IFT52: variants seen among roughly 807,000 people sequenced by gnomAD.
IFT52 encodes intraflagellar transport 52, also known as intraflagellar transport protein 52 homolog.
Under a neutral mutation model 54.4 loss-of-function variants are expected in IFT52, and 44 were observed. The observed-to-expected ratio is 0.81, with a 90% CI of 0.63 to 1.04. The LOEUF (loss-of-function observed/expected upper bound fraction) is 1.04, where lower values mean the gene tolerates loss of function less well. Ranked by LOEUF, IFT52 falls within the 50% of genes least tolerant of loss-of-function variation. IFT52 has a pLI of 0.00. For missense variants in IFT52, 452 were observed against 523.6 expected (o/e 0.86, Z 1.33); for synonymous variants, 181 against 185.3 (o/e 0.98, Z 0.19).
At position 43,642,501 on chromosome 20, in the gene IFT52, T is replaced by A. The variant is rs769104271; in HGVS notation, c.1143T>A (p.Phe381Leu). ...TNKCTEEDLE[F>L]YVRKCGDILG... ...TAGGTACTGAAGAAGACCTGGAATT[T>A]TATGTCAGGAAGTGTGGTGATATTC... The change falls in exon 13 of 14, where the codon TTT (phenylalanine) becomes TTA (leucine). Residue 381 changes from phenylalanine (F) to leucine (L), a missense_variant. Physicochemically the swap from Phe to Leu is conservative, Grantham distance 22. Coordinates refer to ENST00000373030, the MANE Select transcript of IFT52 (RefSeq NM_016004.5). 29 of 1,613,992 alleles carry A rather than the reference T, an allele frequency of 1.8e-5. No individual in the cohort carries two copies. Among genetic ancestry groups the A allele is most frequent in the Non-Finnish European group, 2.5e-5 (29 of 1,179,992 alleles).
At position 43,633,943 on chromosome 20, in the gene IFT52, C is replaced by T. The variant is rs529612409; in HGVS notation, c.924-1983C>T. Reference sequence around the variant, plus strand: ...CTTTGGGAAGCTGAAACAGGAGGACCTCTTGAGGCCAGGGGTTCGAGACCA... The same window carrying T: ...CTTTGGGAAGCTGAAACAGGAGGACTTCTTGAGGCCAGGGGTTCGAGACCA... On this transcript the variant is annotated intron_variant, in intron 10 of 13. Coordinates refer to ENST00000373030, the MANE Select transcript of IFT52 (RefSeq NM_016004.5). 4.0e-5 allele frequency among the ~76,000 whole-genome samples: 6 copies of T among 151,210 alleles called. No individual in the cohort carries two copies. In the East Asian group the frequency reaches 1.2e-3, roughly 30 times the overall value.
intron 6 of IFT52, among the ~76,000 whole-genome samples, chr20:43,612,854 C>T (rs1361303549): frequency 6.6e-6 from 1 of 152,188 alleles, no homozygotes; most frequent in South Asian, 2.1e-4. Context: ...TAACCTTACG[C>T]CCTGGTGTTG....
At chr20:43,595,827 C>A (rs951555437) in intron 2 of IFT52, among the ~76,000 whole-genome samples, 7 of 151,960 alleles carry the variant, frequency 4.6e-5, no homozygotes, top group African/African-American at 1.7e-4. Context: ...TGAATGCCTG[C>A]AGTGAGCCGA....
chr20:43,620,854 T>C lies in IFT52; in HGVS notation c.700-3T>C, dbSNP rs751404101. 1.4e-5 allele frequency: 23 copies of C among 1,608,166 alleles called. No individual in the cohort carries two copies. The Admixed American group carries it at 3.3e-4, about 23-fold the overall frequency. Reference sequence around the variant, plus strand: ...TAATTATATACTTTTTTTTTTAATTTAGGATGTTGTTTTCCAGTGGCTCAC... The same window carrying C: ...TAATTATATACTTTTTTTTTTAATTCAGGATGTTGTTTTCCAGTGGCTCAC... On this transcript the variant is annotated splice_polypyrimidine_tract_variant and splice_region_variant and intron_variant, in intron 8 of 13. Transcript: ENST00000373030.
At position 43,618,518 on chromosome 20, in the gene IFT52, G is replaced by T. The variant is rs553773276; in HGVS notation, c.613-422G>T. On this transcript the variant is annotated intron_variant, in intron 7 of 13. Coordinates refer to ENST00000373030, the MANE Select transcript of IFT52 (RefSeq NM_016004.5). ...GTTTTTTGAGATGGAGTCTCGCTCT[G>T]TTGCCCAGGCTGGAGTACAGTGGCG... is the stretch of plus-strand genomic sequence containing the variant. 1.2e-3 allele frequency among the ~76,000 whole-genome samples: 186 copies of T among 152,220 alleles called. 1 individual carries two copies. Among genetic ancestry groups the T allele is most frequent in the Admixed American group, 4.6e-3 (70 of 15,262 alleles).
chr20:43,646,467 G>A (rs1188212799), intron 13 of IFT52, among the ~76,000 whole-genome samples: 1 of 152,158 alleles, frequency 6.6e-6, no homozygotes, highest in Non-Finnish European at 1.5e-5. Flanking sequence ...GGTTCTTGCT[G>A]TGCCTCTCAG....
In IFT52 at chr20:43,642,464, C is replaced by T. The variant is rs1350099010; in HGVS notation, c.1121-15C>T. 4.3e-6 allele frequency: 7 copies of T among 1,612,610 alleles called. No individual in the cohort carries two copies. The highest frequency in any genetic ancestry group is 2.2e-5 in the South Asian group (2 of 90,948). ...AAGTTAAGAATTAATCTAACTACTA[C>T]TCCAACTGTCTTAGGTACTGAAGAA... is the stretch of plus-strand genomic sequence containing the variant. On this transcript the variant is annotated splice_polypyrimidine_tract_variant and intron_variant, in intron 12 of 13. Coordinates refer to ENST00000373030, the MANE Select transcript of IFT52 (RefSeq NM_016004.5).
At chr20:43,603,632 A>G in intron 3 of IFT52, 128 bp from the exon 4 acceptor site, 1 of 797,700 alleles carries the variant, frequency 1.3e-6, no homozygotes, top group Non-Finnish European at 2.0e-6. Flanking sequence ...TTTATCTTAT[A>G]TACATTTATA....
At chr20:43,633,812 C>T (rs1433021236) in intron 10 of IFT52, among the ~76,000 whole-genome samples, 1 of 151,818 alleles carries the variant, frequency 6.6e-6, no homozygotes, top group Admixed American at 6.6e-5. Flanking sequence ...TGATGAAGAC[C>T]CTCATTCCCA....
Position 43,628,990 on chromosome 20 carries a change from T to C in IFT52, c.923+4945T>C, listed in dbSNP as rs78646829. 5.6e-4 allele frequency among the ~76,000 whole-genome samples: 86 copies of C among 152,316 alleles called. No individual in the cohort carries two copies. The East Asian group carries it at 0.013, about 24-fold the overall frequency. On this transcript the variant is annotated intron_variant, in intron 10 of 13. Transcript: ENST00000373030. Reference sequence around the variant, plus strand: ...CAGTCCCACGGGAGGTTAGAGGTTTTGGATCTAACTACAAACCAGTAGAGT... The same window carrying C: ...CAGTCCCACGGGAGGTTAGAGGTTTCGGATCTAACTACAAACCAGTAGAGT...
At chr20:43,612,034 A>AAATAAT (rs547108573) in intron 6 of IFT52, among the ~76,000 whole-genome samples, 2 of 151,470 alleles carry the variant, frequency 1.3e-5, no homozygotes, top group Admixed American at 6.6e-5. Flanking sequence ...CCATCTCGAA[A>AAATAAT]AATAATAATA....
At chr20:43,627,170 A>G (rs2093138) in intron 10 of IFT52, among the ~76,000 whole-genome samples, 106,911 of 148,622 alleles carry the variant, frequency 0.72, 38,592 homozygotes, top group East Asian at 0.79. Flanking sequence ...CCATCTCAGA[A>G]AAAAAAAAAA....
At position 43,637,409 on chromosome 20, in the gene IFT52, TGC is replaced by T. The variant is rs529335949; in HGVS notation, c.1120+159_1120+160del. Among the ~76,000 whole-genome samples, 502 of 152,222 alleles carry T rather than the reference TGC, an allele frequency of 3.3e-3. 3 individuals carry two copies. The highest frequency in any genetic ancestry group is 0.017 in the Middle Eastern group (5 of 294). On this transcript the variant is annotated intron_variant, in intron 12 of 13. Coordinates refer to ENST00000373030, the MANE Select transcript of IFT52 (RefSeq NM_016004.5). ...TCCCGAGTAGCTGGGATTACAGGCA[TGC>T]GCCACCACGCCCAGCTAATTTTTGT...
At chr20:43,627,556 G>T (rs921834352) in intron 10 of IFT52, among the ~76,000 whole-genome samples, 9 of 152,204 alleles carry the variant, frequency 5.9e-5, no homozygotes, top group African/African-American at 2.2e-4. Flanking sequence ...CTAGCTGGAG[G>T]AAGTAAGGTC....
intron 12 of IFT52, among the ~76,000 whole-genome samples, chr20:43,639,285 C>A (rs993461336): frequency 6.7e-6 from 1 of 149,884 alleles, no homozygotes; most frequent in Non-Finnish European, 1.5e-5. Context: ...TGCCTATAAT[C>A]TGAACACTTC....
At chr20:43,604,930 CT>C (rs752764151) in intron 5 of IFT52, 71 bp from the exon 6 acceptor site, 435 of 1,483,380 alleles carry the variant, frequency 2.9e-4, no homozygotes, top group Middle Eastern at 2.0e-3. Flanking sequence ...CTCATACTTG[CT>C]GTACTAATGA....
At chr20:43,642,141 T>A (rs1985959726) in intron 12 of IFT52, 1 of 202,702 alleles carries the variant, frequency 4.9e-6, no homozygotes, top group South Asian at 1.3e-4. Flanking sequence ...CCCATATGCT[T>A]CTCTATAGTC....
At chr20:43,609,775 CAAA>C (rs57268776) in intron 6 of IFT52, among the ~76,000 whole-genome samples, 1 of 47,186 alleles carries the variant, frequency 2.1e-5, no homozygotes. Context: ...AACTCCGTCT[CAAA>C]AAAAAAAAAA....
chr20:43,594,790 A>T lies in IFT52; in HGVS notation c.92A>T (p.Lys31Ile), dbSNP rs527285373. 1 of 1,601,818 alleles carries T rather than the reference A, an allele frequency of 6.2e-7. No homozygotes were observed. Among genetic ancestry groups the T allele is most frequent in the South Asian group, 1.1e-5 (1 of 90,800 alleles). ...AATGGCTACAAATCCATGCAGAAAAAACTTCGGAGTAATTGGAAGATTCAG... is the reference window on the plus strand; with the variant it reads ...AATGGCTACAAATCCATGCAGAAAATACTTCGGAGTAATTGGAAGATTCAG... Reference protein sequence around the residue: ...TNNGYKSMQKKLRSNWKIQSL... With the variant: ...TNNGYKSMQKILRSNWKIQSL... Residue 31 changes from lysine (K) to isoleucine (I), a missense_variant, in exon 2 of 14, where the codon AAA becomes ATA. Physicochemically the swap from Lys to Ile is moderately radical, Grantham distance 102. Coordinates refer to ENST00000373030, the MANE Select transcript of IFT52 (RefSeq NM_016004.5).
Sources: allele counts gnomAD v4.1 joint callset (sites outside exome capture counted in the v4.1 genomes callset), GRCh38; gene constraint gnomAD v4.1.1; transcripts MANE v1.5; gene names NCBI Gene and HGNC (gene_info 2026-07-23, HGNC 2026-07-21).